Variants in AVEN observed in about 807,000 individuals in gnomAD.
AVEN encodes the protein cell death regulator Aven.
In AVEN, 41 loss-of-function variants were observed where a neutral mutation model predicts 38.1. The observed-to-expected ratio is 1.08, with a 90% CI of 0.84 to 1.40. The LOEUF (loss-of-function observed/expected upper bound fraction) is 1.40. Among genes scored for constraint, AVEN ranks in the 40% most tolerant of loss-of-function variants. AVEN has a pLI of 0.00. For missense variants in AVEN, 605 were observed against 438.8 expected (o/e 1.38, Z -3.38); for synonymous variants, 206 against 171.8 (o/e 1.20, Z -1.56).
intron 2 of AVEN, among the ~76,000 whole-genome samples, chr15:33,977,214 T>C (rs529955054): frequency 1.3e-5 from 2 of 152,308 alleles, no homozygotes; most frequent in South Asian, 4.1e-4. Flanking sequence ...CACAAAAAGC[T>C]GGAGTTCTTA....
chr15:34,018,610 T>C (rs1898061616), intron 1 of AVEN: 1 of 152,240 alleles, frequency 6.6e-6, no homozygotes, highest in Middle Eastern at 3.4e-3. Context: ...ACCCAAAGAG[T>C]GTGCAGCAGC....
rs1256932609 is a variant in AVEN at position 34,026,131 on chromosome 15, C to T, written c.267+12649G>A. Among the ~76,000 whole-genome samples, 3 of 152,002 alleles carry T rather than the reference C, an allele frequency of 2.0e-5. No individual in the cohort carries two copies. The East Asian group carries it at 5.8e-4, about 29-fold the overall frequency. Reference sequence around the variant, plus strand: ...CAGATTAAGTTTGATATTCTTCTACCCTTTTCAGAGTTTTAAATGCATACA... The same window carrying T: ...CAGATTAAGTTTGATATTCTTCTACTCTTTTCAGAGTTTTAAATGCATACA... On this transcript the variant is annotated intron_variant, in intron 1 of 5. Coordinates refer to ENST00000306730, the MANE Select transcript of AVEN (RefSeq NM_020371.3).
At chr15:33,861,566 C>G (rs949023584), downstream of AVEN, among the ~76,000 whole-genome samples, 8 of 152,104 alleles carry the variant, frequency 5.3e-5, no homozygotes, top group South Asian at 1.5e-3. Flanking sequence ...TCCCTTTCAG[C>G]ACAATTGAAA....
rs77354351 is a variant in AVEN at position 33,919,900 on chromosome 15, C to A, written c.446-43905G>T. 3.7e-3 allele frequency among the ~76,000 whole-genome samples: 569 copies of A among 152,286 alleles called. 8 individuals carry two copies. The highest frequency in any genetic ancestry group is 0.029 in the South Asian group (138 of 4,826). Reference sequence around the variant, plus strand: ...ATAAGTATCACTTCCACAGAATACACACAAGCCTCTGTTTCCTAGTCTGAT... The same window carrying A: ...ATAAGTATCACTTCCACAGAATACAAACAAGCCTCTGTTTCCTAGTCTGAT... On this transcript the variant is annotated intron_variant, in intron 2 of 5. Transcript: ENST00000306730.
intron 2 of AVEN, among the ~76,000 whole-genome samples, chr15:33,936,145 AAAC>A (rs1894050793): frequency 6.6e-6 from 1 of 152,192 alleles, no homozygotes; most frequent in South Asian, 2.1e-4. Flanking sequence ...AAGAAAAAAA[AAAC>A]AACAAGGATG....
chr15:33,906,862 A>C (rs1892722744), intron 2 of AVEN, among the ~76,000 whole-genome samples: 1 of 152,188 alleles, frequency 6.6e-6, no homozygotes, highest in Non-Finnish European at 1.5e-5. Flanking sequence ...ACTCAACTGT[A>C]CACTTAAAGA....
At chr15:34,025,348 CAAG>C (rs1167082794) in intron 1 of AVEN, among the ~76,000 whole-genome samples, 2 of 152,100 alleles carry the variant, frequency 1.3e-5, no homozygotes, top group African/African-American at 4.8e-5. Flanking sequence ...ATAAAATCGA[CAAG>C]AAGTTTAGAG....
intron 2 of AVEN, among the ~76,000 whole-genome samples, chr15:33,939,401 C>T (rs189735421): frequency 5.0e-4 from 76 of 152,224 alleles, no homozygotes; most frequent in Non-Finnish European, 9.1e-4. Flanking sequence ...CGGAGTAACA[C>T]GTACAACTGA....
At chr15:33,938,694 A>C (rs1894196136) in intron 2 of AVEN, among the ~76,000 whole-genome samples, 1 of 152,202 alleles carries the variant, frequency 6.6e-6, no homozygotes, top group Admixed American at 6.5e-5. Flanking sequence ...AAACTGGTCA[A>C]ATTTTTAAAA....
At chr15:33,940,710 T>A (rs1320409869) in intron 2 of AVEN, among the ~76,000 whole-genome samples, 2 of 151,980 alleles carry the variant, frequency 1.3e-5, no homozygotes, top group African/African-American at 4.8e-5. Flanking sequence ...CCCAGATAAT[T>A]TTTGTATTTT....
downstream of AVEN, chr15:33,854,886 T>C: frequency 6.2e-7 from 1 of 1,612,678 alleles, no homozygotes; most frequent in Non-Finnish European, 8.5e-7. Context: ...GACCATTCTG[T>C]CATCTGTAAC....
intron 4 of AVEN, chr15:34,065,182 T>C (rs1900477936): frequency 6.5e-6 from 1 of 154,050 alleles, no homozygotes; most frequent in South Asian, 2.1e-4. Context: ...AACCCATTTA[T>C]TTATGCTCTG....
chr15:34,032,382 T>A (rs530397657), intron 1 of AVEN, among the ~76,000 whole-genome samples: 44 of 152,316 alleles, frequency 2.9e-4, no homozygotes, highest in African/African-American at 1.0e-3. Context: ...TAGTACCTAC[T>A]CTTCCAGAAA....
intron 5 of AVEN, among the ~76,000 whole-genome samples, chr15:34,052,122 A>T (rs1225323991): frequency 6.6e-6 from 1 of 152,224 alleles, no homozygotes; most frequent in Non-Finnish European, 1.5e-5. Flanking sequence ...AATGAAATCC[A>T]GCAGCACATC....
chr15:33,901,794 G>GTCTTTTTTGGTATATCTGTTGA lies in AVEN; in HGVS notation c.446-25800_446-25799insTCAACAGATATACCAAAAAAGA, dbSNP rs1892506638. Reference sequence around the variant, plus strand: ...TGAACACCTTTTCATATATCTGTTGGCCATTTTTATGTCTTTTTTGGAGAA... The same window carrying GTCTTTTTTGGTATATCTGTTGA: ...TGAACACCTTTTCATATATCTGTTGGTCTTTTTTGGTATATCTGTTGACCATTTTTATGTCTTTTTTGGAGAA... On this transcript the variant is annotated intron_variant, in intron 2 of 5. Transcript: ENST00000306730. 2.6e-5 allele frequency among the ~76,000 whole-genome samples: 4 copies of GTCTTTTTTGGTATATCTGTTGA among 152,206 alleles called. No individual in the cohort carries two copies. In the East Asian group the frequency reaches 7.7e-4, roughly 29 times the overall value.
intron 1 of AVEN, among the ~76,000 whole-genome samples, chr15:34,017,773 C>G (rs1471207025): frequency 1.3e-5 from 2 of 152,156 alleles, no homozygotes; most frequent in South Asian, 2.1e-4. Context: ...AGCCACTGAG[C>G]CTGGCCAGTA....
chr15:33,884,877 T>C (rs1891641259), intron 2 of AVEN, among the ~76,000 whole-genome samples: 1 of 151,528 alleles, frequency 6.6e-6, no homozygotes, highest in South Asian at 2.1e-4. Context: ...ATTCTGATCA[T>C]TTGATAGTAG....
intron 5 of AVEN, among the ~76,000 whole-genome samples, chr15:34,055,220 C>A (rs540916660): frequency 6.6e-6 from 1 of 150,392 alleles, no homozygotes; most frequent in Admixed American, 6.6e-5. Flanking sequence ...TAAACAAGGC[C>A]AGGCCCGGTA....
chr15:33,953,022 G>A (rs192666714), intron 2 of AVEN, among the ~76,000 whole-genome samples: 208 of 152,224 alleles, frequency 1.4e-3, no homozygotes, highest in Non-Finnish European at 2.0e-3. Context: ...AATCATGAGT[G>A]AACTCCCATT....
Sources: gnomAD v4.1 joint callset for allele counts (sites outside exome capture counted in the v4.1 genomes callset) on GRCh38, gnomAD v4.1.1 for gene constraint, MANE v1.5 for transcripts, NCBI Gene and HGNC (gene_info 2026-07-23, HGNC 2026-07-21) for gene names.